The following SLC35D4 variants were observed in gnomAD, a reference collection of about 807,000 sequenced individuals.
The protein encoded by SLC35D4 is solute carrier family 35 member D4.
the SLC35D4 span, among the ~76,000 whole-genome samples, chr18:23,414,048 A>G: frequency 6.6e-6 from 1 of 150,478 alleles, no homozygotes; most frequent in South Asian, 2.1e-4. Flanking sequence ...TGAGGTCAGG[A>G]GTTCCAGACC....
the SLC35D4 span, among the ~76,000 whole-genome samples, chr18:23,381,293 G>GA: frequency 6.6e-6 from 1 of 152,144 alleles, no homozygotes; most frequent in Admixed American, 6.5e-5. Context: ...ATGTGCATGG[G>GA]AAAAAAGTCT....
chr18:23,373,790 A>T, the SLC35D4 span: 1 of 1,608,820 alleles, frequency 6.2e-7, no homozygotes, highest in Non-Finnish European at 8.5e-7. Context: ...AAAACACTGC[A>T]GCTTCACCTT....
At chr18:23,297,600 T>C in the SLC35D4 span, 12,338 of 158,262 alleles carry the variant, frequency 0.078, 771 homozygotes, top group Admixed American at 0.21. Context: ...CCCACTACCT[T>C]GCACTGAAAG....
the SLC35D4 span, among the ~76,000 whole-genome samples, chr18:23,270,576 T>C: frequency 6.6e-6 from 1 of 152,122 alleles, no homozygotes; most frequent in Non-Finnish European, 1.5e-5. Flanking sequence ...CTGCAGACAA[T>C]GCCAACCTGT....
the SLC35D4 span, among the ~76,000 whole-genome samples, chr18:23,314,549 A>C: frequency 1.3e-5 from 2 of 152,202 alleles, no homozygotes; most frequent in Non-Finnish European, 2.9e-5. Flanking sequence ...TACATTTTGT[A>C]CTCCAAAAAT....
At chr18:23,246,541 GC>G in the SLC35D4 span, among the ~76,000 whole-genome samples, 46 of 151,564 alleles carry the variant, frequency 3.0e-4, no homozygotes, top group Admixed American at 1.7e-3. Context: ...ACAGGCACCC[GC>G]CACCACACCC....
At chr18:23,381,792 G>A in the SLC35D4 span, among the ~76,000 whole-genome samples, 14 of 152,306 alleles carry the variant, frequency 9.2e-5, no homozygotes, top group East Asian at 2.5e-3. Context: ...CATCCCTGAA[G>A]GACTTTCTAA....
chr18:23,266,025 C>T, the SLC35D4 span, among the ~76,000 whole-genome samples: 1 of 152,150 alleles, frequency 6.6e-6, no homozygotes, highest in Non-Finnish European at 1.5e-5. Flanking sequence ...TACTTTCCCC[C>T]CTTCTTTCCA....
chr18:23,434,948 A>G, the SLC35D4 span, among the ~76,000 whole-genome samples: 1 of 152,142 alleles, frequency 6.6e-6, no homozygotes, highest in Non-Finnish European at 1.5e-5. Flanking sequence ...ACCTGAGGTC[A>G]GGAGTTCAAG....
the SLC35D4 span, among the ~76,000 whole-genome samples, chr18:23,248,062 C>A: frequency 1.3e-5 from 2 of 152,266 alleles, no homozygotes; most frequent in African/African-American, 4.8e-5. Flanking sequence ...GACAGAGCCT[C>A]TCCCGCAAGA....
chr18:23,289,060 C>T, the SLC35D4 span, among the ~76,000 whole-genome samples: 1 of 152,214 alleles, frequency 6.6e-6, no homozygotes, highest in Non-Finnish European at 1.5e-5. Context: ...ACCAGACCAA[C>T]TTAGACTGTG....
At chr18:23,277,105 A>T in the SLC35D4 span, among the ~76,000 whole-genome samples, 1 of 152,208 alleles carries the variant, frequency 6.6e-6, no homozygotes, top group African/African-American at 2.4e-5. Context: ...GTGTGTCTGC[A>T]GTCAGCTGAA....
chr18:23,348,876 C>CT, the SLC35D4 span, among the ~76,000 whole-genome samples: 1 of 152,212 alleles, frequency 6.6e-6, no homozygotes. Context: ...CAACAAATCT[C>CT]TTAGTTTTTA....
the SLC35D4 span, chr18:23,421,375 G>T: frequency 6.2e-7 from 1 of 1,613,936 alleles, no homozygotes; most frequent in Non-Finnish European, 8.5e-7. Flanking sequence ...ACCTTGAACT[G>T]CTGTTGATCT....
the SLC35D4 span, among the ~76,000 whole-genome samples, chr18:23,307,432 A>G: frequency 6.6e-6 from 1 of 152,364 alleles, no homozygotes; most frequent in East Asian, 1.9e-4. Flanking sequence ...AATAGTAGTA[A>G]TCAGAATAGA....
At chr18:23,308,848 T>TTCTCTCTC in the SLC35D4 span, among the ~76,000 whole-genome samples, 260 of 140,236 alleles carry the variant, frequency 1.9e-3, 1 homozygote, top group Middle Eastern at 0.011. Context: ...AGCACGTGTT[T>TTCTCTCTC]TCTCTCTCTC....
chr18:23,243,514 A>G, the SLC35D4 span, among the ~76,000 whole-genome samples: 16 of 135,584 alleles, frequency 1.2e-4, no homozygotes, highest in African/African-American at 4.2e-4. Context: ...TGTTAACAGC[A>G]CTATTAGAAT....
At chr18:23,380,841 T>G in the SLC35D4 span, among the ~76,000 whole-genome samples, 1 of 152,068 alleles carries the variant, frequency 6.6e-6, no homozygotes, top group African/African-American at 2.4e-5. Context: ...CACAAAGGCC[T>G]TGTTGTGGAT....
chr18:23,273,537 C>A, the SLC35D4 span, among the ~76,000 whole-genome samples: 1 of 152,168 alleles, frequency 6.6e-6, no homozygotes, highest in Admixed American at 6.5e-5. Flanking sequence ...CTGTAACTTC[C>A]CTAGTTACAG....
Sources: allele counts gnomAD v4.1 joint callset (sites outside exome capture counted in the v4.1 genomes callset), GRCh38; gene constraint gnomAD v4.1.1; transcripts MANE v1.5; gene names NCBI Gene and HGNC (gene_info 2026-07-23, HGNC 2026-07-21).